MTA3: variants seen among roughly 807,000 people sequenced by gnomAD.
MTA3 encodes metastasis associated 1 family member 3, also known as metastasis-associated protein MTA3.
In MTA3, 34 loss-of-function variants were observed where a neutral mutation model predicts 83.5. The ratio of observed to expected loss-of-function variants is 0.41; its 90% CI spans 0.31 to 0.54. MTA3 has a LOEUF of 0.54. MTA3 is among the 20% of genes least tolerant of loss of function. MTA3 has a pLI of 0.33. For missense variants in MTA3, 761 were observed against 726.4 expected (o/e 1.05, Z -0.55); for synonymous variants, 303 against 252.7 (o/e 1.20, Z -1.89).
intron 3 of MTA3, among the ~76,000 whole-genome samples, chr2:42,607,140 T>G (rs1486572142): frequency 4.6e-5 from 7 of 152,102 alleles, no homozygotes; most frequent in Non-Finnish European, 7.4e-5. Flanking sequence ...GGTAGAGCTC[T>G]GAATGTTTCT....
At chr2:42,620,814 G>A (rs1237083707) in intron 4 of MTA3, among the ~76,000 whole-genome samples, 1 of 152,100 alleles carries the variant, frequency 6.6e-6, no homozygotes, top group Non-Finnish European at 1.5e-5. Flanking sequence ...AGAAAACATG[G>A]GATTGTTTGA....
Position 42,753,891 on chromosome 2 carries a change from G to T in MTA3, c.*492G>T. On this transcript the variant is annotated 3_prime_UTR_variant, in exon 17 of 17. Transcript: ENST00000405094. The stretch of plus-strand genomic sequence containing the variant: ...ATGCGCCAGTGTTTATGAGGTTCAA[G>T]GTATTTCCCTGTCCTTGCTGTTACC... 1.0e-6 allele frequency: 1 copy of T among 987,704 alleles called. No individual in the cohort carries two copies. The highest frequency in any genetic ancestry group is 1.2e-6 in the Non-Finnish European group (1 of 831,326). 61.2% of individuals were successfully genotyped at this position (987,704 alleles called of 1,614,324 possible).
intron 2 of MTA3, among the ~76,000 whole-genome samples, chr2:42,556,329 G>A (rs191884051): frequency 6.6e-6 from 1 of 152,168 alleles, no homozygotes; most frequent in African/African-American, 2.4e-5. Context: ...AGGGCCCCCA[G>A]CTTTCTCTTA....
At chr2:42,639,806 T>C (rs1687540150) in intron 4 of MTA3, among the ~76,000 whole-genome samples, 1 of 152,224 alleles carries the variant, frequency 6.6e-6, no homozygotes, top group Admixed American at 6.5e-5. Flanking sequence ...ATCCCTTTTA[T>C]AAAATTACCT....
chr2:42,565,724 G>T (rs1331607008), upstream of MTA3, among the ~76,000 whole-genome samples: 1 of 152,064 alleles, frequency 6.6e-6, no homozygotes, highest in African/African-American at 2.4e-5. Context: ...ATTTTACCAG[G>T]CTGGGCATGG....
At chr2:42,543,800 T>A (rs921316825) in intron 2 of MTA3, among the ~76,000 whole-genome samples, 4 of 151,874 alleles carry the variant, frequency 2.6e-5, no homozygotes, top group African/African-American at 7.3e-5. Flanking sequence ...AGCAACATTT[T>A]AAAAAATTAT....
chr2:42,752,555 G>A (rs1669957939), intron 16 of MTA3, among the ~76,000 whole-genome samples: 1 of 152,152 alleles, frequency 6.6e-6, no homozygotes, highest in Non-Finnish European at 1.5e-5. Context: ...GGTTTTTGGG[G>A]AAGTGGAGGG....
intron 3 of MTA3, among the ~76,000 whole-genome samples, chr2:42,584,385 A>C (rs189482844): frequency 6.6e-6 from 1 of 152,190 alleles, no homozygotes; most frequent in South Asian, 2.1e-4. Context: ...ACATCTTTCA[A>C]ACTTAAAGTG....
At chr2:42,633,762 C>G (rs1187914674) in intron 4 of MTA3, among the ~76,000 whole-genome samples, 1 of 151,224 alleles carries the variant, frequency 6.6e-6, no homozygotes, top group African/African-American at 2.4e-5. Context: ...GCCGTGGTGG[C>G]GGGCGCCTGT....
intron 4 of MTA3, among the ~76,000 whole-genome samples, chr2:42,620,356 T>G (rs1371072658): frequency 6.6e-6 from 1 of 152,100 alleles, no homozygotes; most frequent in Admixed American, 6.6e-5. Context: ...TGGCCTCAGG[T>G]GATTCCACCT....
At chr2:42,573,150 T>C (rs1678679344) in intron 2 of MTA3, among the ~76,000 whole-genome samples, 1 of 152,178 alleles carries the variant, frequency 6.6e-6, no homozygotes, top group Non-Finnish European at 1.5e-5. Context: ...TCTCTGAGGG[T>C]TGTGTGGTTT....
intron 10 of MTA3, 136 bp from the exon 11 acceptor site, chr2:42,697,640 C>G: frequency 1.7e-6 from 1 of 599,856 alleles, no homozygotes. Context: ...TAAGAATATG[C>G]ATATGAAAGA....
rs1373264985 is a variant in MTA3, at chr2:42,537,166, A to ACACCTCTGT, written c.-140-33269_-140-33261dup. Among the ~76,000 whole-genome samples the ACACCTCTGT allele has an allele frequency of 2.6e-5, 4 of 152,110 alleles. No homozygotes were observed. In the East Asian group the frequency reaches 7.7e-4, roughly 29 times the overall value. ...TCTGTAAACTCATCCCAGCATAGAC[A>ACACCTCTGT]CACCTCTGTCGTGTTCCTTCTAAAG... On this transcript the variant is annotated intron_variant, in intron 2 of 17. Coordinates refer to the MTA3 transcript ENST00000405592.
intron 4 of MTA3, among the ~76,000 whole-genome samples, chr2:42,630,414 C>T (rs577750998): frequency 6.6e-6 from 1 of 152,164 alleles, no homozygotes; most frequent in South Asian, 2.1e-4. Context: ...CCTGCACAGT[C>T]CCCCCAGGTC....
chr2:42,495,329 C>G (rs904131197), intron 2 of MTA3: 6 of 152,116 alleles, frequency 3.9e-5, no homozygotes, highest in Admixed American at 3.3e-4. Flanking sequence ...GTTGTTTATC[C>G]CCAGACTTGG....
At chr2:42,687,466 G>A (rs1255474570) in intron 9 of MTA3, among the ~76,000 whole-genome samples, 1 of 152,172 alleles carries the variant, frequency 6.6e-6, no homozygotes, top group Non-Finnish European at 1.5e-5. Flanking sequence ...CTGTTGAAGG[G>A]AATTTGAATT....
intron 4 of MTA3, among the ~76,000 whole-genome samples, chr2:42,623,649 C>G (rs1685790722): frequency 1.3e-5 from 2 of 151,152 alleles, no homozygotes; most frequent in South Asian, 4.2e-4. Context: ...TGATTGTATC[C>G]CCATGGTATT....
chr2:42,570,736 T>C (rs913878966), intron 2 of MTA3, among the ~76,000 whole-genome samples: 1 of 151,556 alleles, frequency 6.6e-6, no homozygotes, highest in Non-Finnish European at 1.5e-5. Context: ...TATGGCTGGG[T>C]GCGGTGGCTC....
intron 6 of MTA3, among the ~76,000 whole-genome samples, chr2:42,655,366 C>G (rs1434599499): frequency 6.6e-6 from 1 of 152,128 alleles, no homozygotes; most frequent in East Asian, 1.9e-4. Context: ...TGCCCCATGA[C>G]TTTGTTCATG....
Sources: gnomAD v4.1 joint callset for allele counts (sites outside exome capture counted in the v4.1 genomes callset) on GRCh38, gnomAD v4.1.1 for gene constraint, MANE v1.5 for transcripts, NCBI Gene and HGNC (gene_info 2026-07-23, HGNC 2026-07-21) for gene names.